Variants in ERGIC2 observed in about 807,000 individuals in gnomAD.
ERGIC2 encodes ERGIC and golgi 2.
In ERGIC2, 31 loss-of-function variants were observed where a neutral mutation model predicts 52.5. That is an observed-to-expected ratio of 0.59 (90% CI 0.44 to 0.80). The LOEUF (loss-of-function observed/expected upper bound fraction) is 0.80. Among genes scored for constraint, ERGIC2 ranks in the 30% least tolerant of loss-of-function variants. The pLI, the probability that ERGIC2 is intolerant of heterozygous loss-of-function variation, is 0.00. For synonymous variants in ERGIC2, 129 were observed against 140.6 expected (o/e 0.92, Z 0.58); for missense variants, 395 against 455.2 (o/e 0.87, Z 1.20).
Position 29,344,184 on chromosome 12 carries a change from ATCT to A in ERGIC2, c.826-905_826-903del, listed in dbSNP as rs569190890. Among the ~76,000 whole-genome samples the A allele has an allele frequency of 1.0e-3, 154 of 152,258 alleles. 2 individuals carry two copies. Among genetic ancestry groups the A allele is most frequent in the African/African-American group, 3.6e-3 (150 of 41,532 alleles). ...AGATGTACCATCTGGGTTGTTTCTA[ATCT>A]TCTACTATTACAGATAACAATGCAA... On this transcript the variant is annotated intron_variant, in intron 11 of 13. Transcript: ENST00000360150.
At chr12:29,342,680 T>C (rs569972562) in intron 12 of ERGIC2, among the ~76,000 whole-genome samples, 14 of 152,342 alleles carry the variant, frequency 9.2e-5, no homozygotes, top group Middle Eastern at 3.4e-3. Context: ...TACTATAACA[T>C]ATGATTTTAC....
intron 10 of ERGIC2, among the ~76,000 whole-genome samples, chr12:29,348,352 C>T (rs1940086469): frequency 6.6e-6 from 1 of 151,872 alleles, no homozygotes; most frequent in Non-Finnish European, 1.5e-5. Context: ...GGATAGAATT[C>T]CTACTAGCTG....
chr12:29,346,545 C>T (rs941610130), intron 10 of ERGIC2, among the ~76,000 whole-genome samples: 1 of 151,980 alleles, frequency 6.6e-6, no homozygotes. Context: ...AGAGAATAAC[C>T]ACCACAAGAC....
At chr12:29,362,786 C>A (rs1438022111) in intron 5 of ERGIC2, among the ~76,000 whole-genome samples, 1 of 152,100 alleles carries the variant, frequency 6.6e-6, no homozygotes, top group Non-Finnish European at 1.5e-5. Context: ...TTTGATTACA[C>A]CTCCTGATGA....
chr12:29,379,836 T>C (rs1233888647), intron 1 of ERGIC2, among the ~76,000 whole-genome samples: 1 of 151,692 alleles, frequency 6.6e-6, no homozygotes, highest in Non-Finnish European at 1.5e-5. Flanking sequence ...TGCCTAAAAG[T>C]AACTTCTGGT....
chr12:29,360,820 C>G (rs1265631554), intron 6 of ERGIC2, among the ~76,000 whole-genome samples: 4 of 151,604 alleles, frequency 2.6e-5, no homozygotes, highest in Non-Finnish European at 5.9e-5. Flanking sequence ...ATCTGGGTGC[C>G]CAATCTTTTG....
At position 29,356,395 on chromosome 12, in the gene ERGIC2, T is replaced by C. The variant is rs750473699; in HGVS notation, c.559A>G (p.Ile187Val). 60 of 1,575,316 alleles carry C rather than the reference T, an allele frequency of 3.8e-5. No individual in the cohort carries two copies. The highest frequency in any genetic ancestry group is 4.5e-5 in the Non-Finnish European group (51 of 1,144,788). Residue 187 changes from isoleucine (I) to valine (V), a missense_variant, in exon 8 of 14, where the codon ATA becomes GTA. Physicochemically the swap from Ile to Val is conservative, Grantham distance 29. Coordinates refer to ENST00000360150, the MANE Select transcript of ERGIC2 (RefSeq NM_016570.3). ...YVNKVAGNFH[I>V]TVGKAIPHPR... is the part of the protein sequence containing the mutation. ...AAAAGAACATACTTGCCCACTGTTA[T>C]GTGAAAATTCCCTGCTACTTTATTG...
intron 2 of ERGIC2, 37 bp downstream of exon 2, chr12:29,371,491 A>C (rs1252639352): frequency 7.5e-7 from 1 of 1,332,146 alleles, no homozygotes; most frequent in Non-Finnish European, 1.0e-6. Flanking sequence ...CAGAAGTTGT[A>C]CTTACTACAG....
At chr12:29,352,336 T>C (rs903356973) in intron 8 of ERGIC2, among the ~76,000 whole-genome samples, 11 of 152,178 alleles carry the variant, frequency 7.2e-5, no homozygotes, top group Non-Finnish European at 1.3e-4. Flanking sequence ...ATTATATTAC[T>C]CCCCTTCTGA....
Position 29,349,123 on chromosome 12 carries a change from G to T in ERGIC2, c.683C>A (p.Ala228Glu). 6.3e-7 allele frequency: 1 copy of T among 1,582,380 alleles called. No homozygotes were observed. The highest frequency in any genetic ancestry group is 8.6e-7 in the Non-Finnish European group (1 of 1,165,006). Residue 228 changes from alanine to glutamate, a missense_variant, in exon 10 of 14, where the codon GCA becomes GAA. Transcript: ENST00000360150. Reference sequence around the variant, plus strand: ...AGTTCCATCTAAAGGATTAATAATTGCTGGAACAAGCTCTCCAAAAGACAA... The same window carrying T: ...AGTTCCATCTAAAGGATTAATAATTTCTGGAACAAGCTCTCCAAAAGACAA... ...DHLSFGELVP[A>E]IINPLDGTEK...
chr12:29,357,136 T>G (rs1461678840), intron 7 of ERGIC2, among the ~76,000 whole-genome samples: 1 of 152,030 alleles, frequency 6.6e-6, no homozygotes, highest in Non-Finnish European at 1.5e-5. Context: ...CCCAGCTAAT[T>G]TTTTTGTATT....
intron 6 of ERGIC2, among the ~76,000 whole-genome samples, chr12:29,359,499 T>C (rs571943641): frequency 1.3e-4 from 20 of 152,140 alleles, no homozygotes; most frequent in African/African-American, 4.3e-4. Context: ...TGATGGCAAA[T>C]TTATATCATC....
At chr12:29,378,563 T>C (rs1294936557) in intron 1 of ERGIC2, among the ~76,000 whole-genome samples, 7 of 152,014 alleles carry the variant, frequency 4.6e-5, no homozygotes, top group Non-Finnish European at 1.0e-4. Flanking sequence ...TTTTATAAGA[T>C]AGCTTAGCTT....
intron 8 of ERGIC2, among the ~76,000 whole-genome samples, chr12:29,354,473 C>T (rs979320492): frequency 5.3e-5 from 8 of 152,180 alleles, no homozygotes; most frequent in South Asian, 4.1e-4. Flanking sequence ...AGTGTATTCA[C>T]GCTCAAGCAT....
At chr12:29,365,655 G>T (rs548466724) in intron 5 of ERGIC2, among the ~76,000 whole-genome samples, 8 of 124,430 alleles carry the variant, frequency 6.4e-5, no homozygotes, top group Admixed American at 2.7e-4. Flanking sequence ...CAAAAATAAG[G>T]TAAGAATGGC....
At chr12:29,370,023 T>C in intron 3 of ERGIC2, 91 bp downstream of exon 3, 1 of 1,207,750 alleles carries the variant, frequency 8.3e-7, no homozygotes, top group Non-Finnish European at 1.1e-6. Flanking sequence ...AAACCAAATC[T>C]AGAAGGTTAG....
chr12:29,341,007 T>A lies in ERGIC2; in HGVS notation c.*149A>T. ...AACGTATATAGAATTTCAGTTTGGG[T>A]TTTTTTATCCTTTTTTTTCTTTTTT... On this transcript the variant is annotated 3_prime_UTR_variant, in exon 14 of 14. Coordinates refer to ENST00000360150, the MANE Select transcript of ERGIC2 (RefSeq NM_016570.3). The A allele has an allele frequency of 1.5e-6, 1 of 678,646 alleles. No individual in the cohort carries two copies. 42.0% of individuals were successfully genotyped at this position (678,646 alleles called of 1,614,324 possible).
At chr12:29,365,594 C>A (rs1440711598) in intron 5 of ERGIC2, among the ~76,000 whole-genome samples, 1 of 150,914 alleles carries the variant, frequency 6.6e-6, no homozygotes, top group African/African-American at 2.4e-5. Flanking sequence ...ACATGTACTC[C>A]ATGAATCTAA....
At chr12:29,373,210 T>C (rs1460621947) in intron 1 of ERGIC2, among the ~76,000 whole-genome samples, 1 of 152,190 alleles carries the variant, frequency 6.6e-6, no homozygotes, top group East Asian at 1.9e-4. Context: ...ATTTAAAAAT[T>C]GGCTGCTTGC....
Sources: gnomAD v4.1 joint callset for allele counts (sites outside exome capture counted in the v4.1 genomes callset) on GRCh38, gnomAD v4.1.1 for gene constraint, MANE v1.5 for transcripts, NCBI Gene and HGNC (gene_info 2026-07-23, HGNC 2026-07-21) for gene names.